HDAC9: variants seen among roughly 807,000 people sequenced by gnomAD.
HDAC9 encodes histone deacetylase 9.
Under a neutral mutation model 139.4 loss-of-function variants are expected in HDAC9, and 41 were observed. That is an observed-to-expected ratio of 0.29 (90% CI 0.23 to 0.38). HDAC9 has a LOEUF of 0.38. Ranked by LOEUF, HDAC9 falls within the 10% of genes least tolerant of loss-of-function variation. The pLI is 1.00. For missense variants in HDAC9, 1,147 were observed against 1,297.0 expected, an observed-to-expected ratio of 0.88 and a Z score of 1.78; for synonymous variants, 517 against 476.2, an observed-to-expected ratio of 1.09 and a Z score of -1.12.
At chr7:18,343,337 T>C (rs1782157268) in intron 1 of HDAC9, among the ~76,000 whole-genome samples, 1 of 151,870 alleles carries the variant, frequency 6.6e-6, no homozygotes, top group Non-Finnish European at 1.5e-5. Flanking sequence ...GCAAGGAAGG[T>C]AATTAGTAAC....
chr7:18,426,314 G>T (rs554170023), intron 1 of HDAC9, among the ~76,000 whole-genome samples: 42 of 152,314 alleles, frequency 2.8e-4, no homozygotes, highest in African/African-American at 9.1e-4. Context: ...AGTTTGCCAA[G>T]TGAGCTTTCA....
chr7:18,183,236 T>C (rs1178337), intron 2 of HDAC9, among the ~76,000 whole-genome samples: 42,751 of 151,726 alleles, frequency 0.28, 7,224 homozygotes, highest in African/African-American at 0.48. Context: ...GTCTTGATCT[T>C]CTGACCTCGT....
At chr7:18,805,852 G>C (rs1176686810) in intron 17 of HDAC9, among the ~76,000 whole-genome samples, 1 of 152,190 alleles carries the variant, frequency 6.6e-6, no homozygotes, top group African/African-American at 2.4e-5. Flanking sequence ...CCAGTCTCCA[G>C]AGCTGTAGGA....
At chr7:18,984,570 A>G (rs573628442) in intron 25 of HDAC9, among the ~76,000 whole-genome samples, 1 of 152,272 alleles carries the variant, frequency 6.6e-6, no homozygotes, top group Admixed American at 6.5e-5. Context: ...GTGGTAAAGA[A>G]GCCAATTAAT....
chr7:18,160,554 A>G (rs17417814), intron 1 of HDAC9, among the ~76,000 whole-genome samples: 7,015 of 152,270 alleles, frequency 0.046, 189 homozygotes, highest in Non-Finnish European at 0.059. Context: ...AATATCAGAT[A>G]TGGTGGCATG....
intron 1 of HDAC9, among the ~76,000 whole-genome samples, chr7:18,464,311 T>C (rs769464536): frequency 2.0e-5 from 3 of 152,026 alleles, no homozygotes; most frequent in Non-Finnish European, 4.4e-5. Context: ...CCATTTAATA[T>C]GATTACAGCT....
At chr7:18,181,829 T>C (rs1484096009) in intron 2 of HDAC9, among the ~76,000 whole-genome samples, 4 of 152,132 alleles carry the variant, frequency 2.6e-5, no homozygotes, top group South Asian at 4.1e-4. Flanking sequence ...GTCTGAAGAA[T>C]AGGAAAACCA....
intron 16 of HDAC9, among the ~76,000 whole-genome samples, chr7:18,781,801 CA>C (rs1284634586): frequency 6.6e-6 from 1 of 151,882 alleles, no homozygotes; most frequent in Non-Finnish European, 1.5e-5. Flanking sequence ...AAGGCAAACA[CA>C]AAAAGAAATT....
rs968828023 is a variant in HDAC9 at position 18,925,441 on chromosome 7, C to G, written c.2804-10368C>G. Reference sequence around the variant, plus strand: ...ATACACCATATAAGGGTAATGAACACCTTTGCTTGGCTCATAACTATGCCT... The same window carrying G: ...ATACACCATATAAGGGTAATGAACAGCTTTGCTTGGCTCATAACTATGCCT... On this transcript the variant is annotated intron_variant, in intron 22 of 25. Coordinates refer to ENST00000686413, the MANE Select transcript of HDAC9 (RefSeq NM_178425.4). Among the ~76,000 whole-genome samples, 9 of 152,204 alleles carry G rather than the reference C, an allele frequency of 5.9e-5. No individual in the cohort carries two copies. The East Asian group carries it at 1.7e-3, about 29-fold the overall frequency.
chr7:18,449,244 G>A (rs1223754375), intron 1 of HDAC9, among the ~76,000 whole-genome samples: 3 of 151,944 alleles, frequency 2.0e-5, no homozygotes, highest in African/African-American at 7.3e-5. Flanking sequence ...AAATTAGAGT[G>A]GATAAATTAT....
In HDAC9 at chr7:18,716,668, A is replaced by G. The variant is rs965714813; in HGVS notation, c.1732-10912A>G. On this transcript the variant is annotated intron_variant, in intron 12 of 25. Transcript: ENST00000686413. ...TGTATATAGGTAGTAACTTTTACCA[A>G]CATTCTACCCAATTGAGAAACAGTG... Among the ~76,000 whole-genome samples the G allele has an allele frequency of 2.0e-5, 3 of 152,198 alleles. No homozygotes were observed. The South Asian group carries it at 6.2e-4, about 31-fold the overall frequency.
upstream of HDAC9, among the ~76,000 whole-genome samples, chr7:18,286,839 T>A (rs1321047017): frequency 1.3e-5 from 2 of 152,194 alleles, no homozygotes; most frequent in African/African-American, 4.8e-5. Context: ...TTTACCACTT[T>A]TAGAACACTA....
At chr7:18,403,592 A>G (rs80156375) in intron 1 of HDAC9, among the ~76,000 whole-genome samples, 2 of 152,184 alleles carry the variant, frequency 1.3e-5, no homozygotes, top group Non-Finnish European at 1.5e-5. Context: ...GGCAAAATGA[A>G]TAATGAGTAA....
intron 1 of HDAC9, among the ~76,000 whole-genome samples, chr7:18,117,086 G>A (rs911626754): frequency 5.3e-5 from 8 of 152,118 alleles, no homozygotes; most frequent in Non-Finnish European, 1.2e-4. Context: ...AGGTGAGAGG[G>A]TTGTAGTGGG....
chr7:18,175,192 T>C (rs1788789757), intron 2 of HDAC9, among the ~76,000 whole-genome samples: 1 of 152,166 alleles, frequency 6.6e-6, no homozygotes. Context: ...GCCAGGCTGC[T>C]GCCTTGCAGG....
chr7:18,729,241 C>G (rs1052106816), intron 13 of HDAC9, among the ~76,000 whole-genome samples: 1 of 151,950 alleles, frequency 6.6e-6, no homozygotes, highest in African/African-American at 2.4e-5. Context: ...AACAACCATT[C>G]TATCAAAATA....
At chr7:18,277,597 T>C (rs1796825431) in intron 2 of HDAC9, among the ~76,000 whole-genome samples, 1 of 152,220 alleles carries the variant, frequency 6.6e-6, no homozygotes, top group African/African-American at 2.4e-5. Flanking sequence ...TATCTTATTT[T>C]ACACCCACAA....
intron 8 of HDAC9, among the ~76,000 whole-genome samples, chr7:18,637,745 C>CA (rs1160242501): frequency 1.3e-5 from 2 of 151,910 alleles, no homozygotes; most frequent in Non-Finnish European, 2.9e-5. Flanking sequence ...TGGCCCAGAA[C>CA]AAAAAATGCA....
At chr7:18,166,926 A>C (rs1015679299) in intron 2 of HDAC9, among the ~76,000 whole-genome samples, 9 of 152,230 alleles carry the variant, frequency 5.9e-5, no homozygotes, top group African/African-American at 2.2e-4. Flanking sequence ...GTCTTAGGGC[A>C]AATCAAATAG....
Sources: allele counts gnomAD v4.1 joint callset (sites outside exome capture counted in the v4.1 genomes callset), GRCh38; gene constraint gnomAD v4.1.1; transcripts MANE v1.5; gene names NCBI Gene and HGNC (gene_info 2026-07-23, HGNC 2026-07-21).